Variants in CCDC186 observed in about 807,000 individuals in gnomAD.
The protein encoded by CCDC186 is coiled-coil domain containing 186, also known as coiled-coil domain-containing protein 186.
Under a neutral mutation model 113.7 loss-of-function variants are expected in CCDC186, and 49 were observed. The observed-to-expected ratio is 0.43, with a 90% confidence interval of 0.34 to 0.55. CCDC186 has a LOEUF of 0.55. Ranked by LOEUF, CCDC186 falls within the 20% of genes least tolerant of loss-of-function variation. The pLI is 0.02. For synonymous variants in CCDC186, 355 were observed against 345.8 expected (o/e 1.03, Z -0.30); for missense variants, 890 against 1,011.1 (o/e 0.88, Z 1.62).
rs78099336 is a variant in CCDC186, at chr10:114,134,225, T to C, written c.1655+688A>G. Among the ~76,000 whole-genome samples, 1,078 of 152,028 alleles carry C rather than the reference T, an allele frequency of 7.1e-3. 12 individuals carry two copies. The highest frequency in any genetic ancestry group is 0.024 in the African/African-American group (1,006 of 41,478). ...GAAGTAAACACTTGCCAAGAGTAAA[T>C]AGAAAGGTAAGAGGAAAAACTGAAG... On this transcript the variant is annotated intron_variant, in intron 10 of 15. Transcript: ENST00000369287.
At chr10:114,170,265 CAA>C (rs890377127) in intron 1 of CCDC186, among the ~76,000 whole-genome samples, 2 of 151,898 alleles carry the variant, frequency 1.3e-5, no homozygotes, top group African/African-American at 4.8e-5. Flanking sequence ...ATAAGTTCTA[CAA>C]AAAGAAATAA....
At chr10:114,137,829 G>C (rs1010776984) in intron 6 of CCDC186, among the ~76,000 whole-genome samples, 1 of 151,888 alleles carries the variant, frequency 6.6e-6, no homozygotes, top group Non-Finnish European at 1.5e-5. Context: ...CAGAGGTCGG[G>C]AGTTTGAGAC....
Position 114,146,461 on chromosome 10 carries a change from G to A in CCDC186, c.889-700C>T, listed in dbSNP as rs1233997425. Among the ~76,000 whole-genome samples, 4 of 151,980 alleles carry A rather than the reference G, an allele frequency of 2.6e-5. No individual in the cohort carries two copies. The East Asian group carries it at 5.8e-4, about 22-fold the overall frequency. On this transcript the variant is annotated intron_variant, in intron 4 of 15. Coordinates refer to ENST00000369287, the MANE Select transcript of CCDC186 (RefSeq NM_018017.4). ...ATTTCTAAAATCTTAACTCCCTTTC[G>A]AAAATTAAGTAGCCATATGCTAACA...
Position 114,135,059 on chromosome 10 carries a change from T to C in CCDC186, c.1513-4A>G. 1.2e-6 allele frequency: 2 copies of C among 1,601,252 alleles called. No homozygotes were observed. The highest frequency in any genetic ancestry group is 1.7e-6 in the Non-Finnish European group (2 of 1,176,594). On this transcript the variant is annotated splice_region_variant and splice_polypyrimidine_tract_variant and intron_variant, in intron 9 of 15. Transcript: ENST00000369287. ...GTTCATCTTCTAGACATTTCACCTA[T>C]CAAATGATCACAACCAAGTTACAAA...
chr10:114,132,031 C>T lies in CCDC186; in HGVS notation c.1809G>A (p.Gln603=). 10 of 1,613,478 alleles carry T rather than the reference C, an allele frequency of 6.2e-6. No individual in the cohort carries two copies. The highest frequency in any genetic ancestry group is 8.5e-6 in the Non-Finnish European group (10 of 1,179,736). ...ERLTSKNAQL[Q]SESNSLQSQF... is the part of the protein sequence containing the mutation. ...GTGACTGCAAAGAATTGGATTCAGA[C>T]TGAAGCTGTGCATTCTTACTAGTGA... The change falls in exon 11 of 16, where the codon CAG becomes CAA. Residue 603 remains glutamine, a synonymous_variant. Transcript: ENST00000369287.
rs760537572 is a variant in CCDC186, at chr10:114,145,781, T to A, written c.889-20A>T. On this transcript the variant is annotated intron_variant, in intron 4 of 15. Coordinates refer to ENST00000369287, the MANE Select transcript of CCDC186 (RefSeq NM_018017.4). ...GTTGGCCTTCAAAAAAAATATTACT[T>A]AGCATTAATGAAAAATAATGTTTCA... The A allele has an allele frequency of 1.3e-6, 2 of 1,554,618 alleles. No homozygotes were observed. The highest frequency in any genetic ancestry group is 1.7e-6 in the Non-Finnish European group (2 of 1,155,878).
intron 1 of CCDC186, among the ~76,000 whole-genome samples, chr10:114,170,863 C>A (rs986897683): frequency 2.0e-5 from 3 of 151,880 alleles, no homozygotes; most frequent in African/African-American, 7.3e-5. Flanking sequence ...CGGCAAGACC[C>A]CCCCACCCTC....
chr10:114,169,704 A>G (rs2032439127), intron 1 of CCDC186, among the ~76,000 whole-genome samples: 1 of 152,248 alleles, frequency 6.6e-6, no homozygotes, highest in African/African-American at 2.4e-5. Flanking sequence ...ACACCTTGAA[A>G]GCAGCATAAA....
Position 114,151,074 on chromosome 10 carries a change from C to T in CCDC186, c.888+18G>A. 1.2e-6 allele frequency: 2 copies of T among 1,605,352 alleles called. No individual in the cohort carries two copies. The highest frequency in any genetic ancestry group is 2.3e-5 in the South Asian group (2 of 88,674). On this transcript the variant is annotated intron_variant, in intron 4 of 15. Transcript: ENST00000369287. ...CACCAGAATATCAAGTTAATAATGA[C>T]AACGATGTGAGAAATACCTGTTCCA...
chr10:114,131,885 G>C, intron 11 of CCDC186, 44 bp downstream of exon 11: 1 of 1,511,682 alleles, frequency 6.6e-7, no homozygotes, highest in Non-Finnish European at 8.9e-7. Flanking sequence ...AATTTAATTT[G>C]TGCTTGTTAC....
At position 114,163,015 on chromosome 10, in the gene CCDC186, G is replaced by C. The variant is rs1061159; in HGVS notation, c.254C>G (p.Thr85Arg). Residue 85 changes from threonine to arginine, a missense_variant, in exon 2 of 16, where the codon ACA (threonine) becomes AGA (arginine). Coordinates refer to ENST00000369287, the MANE Select transcript of CCDC186 (RefSeq NM_018017.4). ...TATTTGTTCAGAATTTTCTGAGCCT[G>C]TGTCTGTTTTGGCACAAGAATCCTC... ...GGEDSCAKTD[T>R]GSENSEQIAN... is the part of the protein sequence containing the mutation. 4.3e-6 allele frequency: 7 copies of C among 1,613,808 alleles called. No individual in the cohort carries two copies. Among genetic ancestry groups the C allele is most frequent in the Admixed American group, 3.3e-5 (2 of 59,982 alleles).
At chr10:114,169,592 T>C (rs914174580) in intron 1 of CCDC186, among the ~76,000 whole-genome samples, 1 of 152,142 alleles carries the variant, frequency 6.6e-6, no homozygotes, top group Non-Finnish European at 1.5e-5. Flanking sequence ...GTAATATCCA[T>C]TAAGCAAACT....
At position 114,123,509 on chromosome 10, in the gene CCDC186, G is replaced by A. The variant is rs553721390; in HGVS notation, c.*1634C>T. 3 of 152,050 alleles carry A rather than the reference G, an allele frequency of 2.0e-5. No individual in the cohort carries two copies. The highest frequency in any genetic ancestry group is 2.9e-5 in the Non-Finnish European group (2 of 68,008). 9.4% of individuals were successfully genotyped at this position (152,050 alleles called of 1,614,324 possible). A position where few individuals can be genotyped will look rare whatever the true frequency, so the allele number is the denominator to read the frequency against. On this transcript the variant is annotated 3_prime_UTR_variant, in exon 16 of 16. Coordinates refer to ENST00000369287, the MANE Select transcript of CCDC186 (RefSeq NM_018017.4). ...TTTAGAGCCCAAACAATTCTTTACA[G>A]GCTTTTAATCCATCATCCCAAAACT...
rs182177524 is a variant in CCDC186 at position 114,159,560 on chromosome 10, T to C, written c.633-1880A>G. On this transcript the variant is annotated intron_variant, in intron 2 of 15. Transcript: ENST00000369287. ...CAGGAGGCTGAGGCAGGAAAATCGC[T>C]TGAACCTGGGAAGCGGAGGTGGCAG... Among the ~76,000 whole-genome samples the C allele has an allele frequency of 2.8e-3, 413 of 149,574 alleles. 1 individual carries two copies. Among genetic ancestry groups the C allele is most frequent in the Admixed American group, 4.9e-3 (73 of 14,932 alleles).
At position 114,137,078 on chromosome 10, in the gene CCDC186, T is replaced by C. The variant is rs141972858; in HGVS notation, c.1326+108A>G. ...GTTGCAGTGAGCCGAGACTGTGCCA[T>C]TGAACTCCAGCCCGGGCGACAGAGC... On this transcript the variant is annotated intron_variant, in intron 7 of 15. Coordinates refer to ENST00000369287, the MANE Select transcript of CCDC186 (RefSeq NM_018017.4). The C allele has an allele frequency of 1.0e-3, 773 of 752,002 alleles. 3 individuals are homozygous for C. The African/African-American group carries it at 0.012, about 12-fold the overall frequency. 46.6% of individuals were successfully genotyped at this position (752,002 alleles called of 1,614,324 possible). A position where few individuals can be genotyped will look rare whatever the true frequency, so the allele number is the denominator to read the frequency against.
At chr10:114,166,649 C>T (rs1360350630) in intron 1 of CCDC186, among the ~76,000 whole-genome samples, 1 of 152,196 alleles carries the variant, frequency 6.6e-6, no homozygotes, top group Non-Finnish European at 1.5e-5. Context: ...ACTACATTTA[C>T]ACGCATTTTT....
chr10:114,127,785 C>G, intron 13 of CCDC186, 114 bp from the exon 14 acceptor site: 1 of 957,870 alleles, frequency 1.0e-6, no homozygotes, highest in Non-Finnish European at 1.5e-6. Context: ...GAGTTGGACA[C>G]AGAAGACAAC....
At chr10:114,144,398 T>C (rs1305337089) in intron 6 of CCDC186, 99 bp downstream of exon 6, 1 of 1,416,176 alleles carries the variant, frequency 7.1e-7, no homozygotes, top group Non-Finnish European at 9.5e-7. Flanking sequence ...CTCATTCTAA[T>C]CTGAAAGAGC....
At chr10:114,171,345 T>C (rs1413116679) in intron 1 of CCDC186, among the ~76,000 whole-genome samples, 1 of 151,952 alleles carries the variant, frequency 6.6e-6, no homozygotes, top group Non-Finnish European at 1.5e-5. Flanking sequence ...GAGAACAGCC[T>C]GGGAAACATA....
Sources: allele counts gnomAD v4.1 joint callset (sites outside exome capture counted in the v4.1 genomes callset), GRCh38; gene constraint gnomAD v4.1.1; transcripts MANE v1.5; gene names NCBI Gene and HGNC (gene_info 2026-07-23, HGNC 2026-07-21).